RANBP17: variants seen among roughly 807,000 people sequenced by gnomAD.
RANBP17 encodes ran-binding protein 17.
A neutral mutation model predicts 141.2 loss-of-function variants in RANBP17; 158 were observed. The ratio of observed to expected loss-of-function variants is 1.12; its 90% CI spans 0.98 to 1.28. The LOEUF (loss-of-function observed/expected upper bound fraction) is 1.28, where lower values mean the gene tolerates loss of function less well. Among genes scored for constraint, RANBP17 ranks in the 50% most tolerant of loss-of-function variants. The pLI, the probability that RANBP17 is intolerant of heterozygous loss-of-function variation, is 0.00. For missense variants in RANBP17, 1,438 were observed against 1,290.7 expected (o/e 1.11, Z -1.75); for synonymous variants, 430 against 450.0 (o/e 0.96, Z 0.56).
intron 3 of RANBP17, among the ~76,000 whole-genome samples, chr5:170,886,876 T>C (rs990627798): frequency 7.2e-5 from 11 of 152,116 alleles, no homozygotes; most frequent in African/African-American, 2.7e-4. Context: ...TTGCTCAGGC[T>C]GGTCTTGAAC....
chr5:170,911,862 A>G (rs1346555238), intron 7 of RANBP17, among the ~76,000 whole-genome samples: 2 of 151,848 alleles, frequency 1.3e-5, no homozygotes, highest in African/African-American at 2.4e-5. Flanking sequence ...GTGGCACCTA[A>G]GGTACCTCTG....
chr5:171,126,032 C>T (rs1033847179), intron 14 of RANBP17, among the ~76,000 whole-genome samples: 43 of 152,268 alleles, frequency 2.8e-4, no homozygotes, highest in Non-Finnish European at 2.2e-4. Flanking sequence ...GTGATCCGCC[C>T]GCCTTGGCCT....
intron 16 of RANBP17, among the ~76,000 whole-genome samples, chr5:171,179,693 A>G (rs1290117254): frequency 1.3e-5 from 2 of 152,182 alleles, no homozygotes. Context: ...ACTTTTGTAA[A>G]TAGGATATAT....
At chr5:171,280,707 T>C (rs1389758405) in intron 25 of RANBP17, among the ~76,000 whole-genome samples, 1 of 152,242 alleles carries the variant, frequency 6.6e-6, no homozygotes, top group Non-Finnish European at 1.5e-5. Flanking sequence ...GGTTCCCTCA[T>C]CCTCTGGCCT....
chr5:170,981,017 G>T (rs956901052), intron 14 of RANBP17, among the ~76,000 whole-genome samples: 1 of 152,232 alleles, frequency 6.6e-6, no homozygotes, highest in Non-Finnish European at 1.5e-5. Context: ...TGACCTGGAT[G>T]TGAGACATGG....
intron 12 of RANBP17, among the ~76,000 whole-genome samples, chr5:170,929,454 A>G (rs1404352116): frequency 2.0e-5 from 3 of 152,138 alleles, no homozygotes; most frequent in Non-Finnish European, 4.4e-5. Flanking sequence ...GGGTTTTAAA[A>G]TAGACCTTTT....
chr5:171,081,986 C>A (rs1413778744), intron 14 of RANBP17, among the ~76,000 whole-genome samples: 1 of 152,040 alleles, frequency 6.6e-6, no homozygotes, highest in Admixed American at 6.6e-5. Context: ...AATTGTGTAA[C>A]TTTTTAGGCT....
intron 24 of RANBP17, among the ~76,000 whole-genome samples, chr5:171,244,124 G>C (rs1433939833): frequency 6.6e-6 from 1 of 151,790 alleles, no homozygotes; most frequent in Admixed American, 6.6e-5. Flanking sequence ...GGGCACGGTG[G>C]CTCATGCCTG....
chr5:170,945,840 C>G (rs1477930035), intron 12 of RANBP17, among the ~76,000 whole-genome samples: 1 of 152,090 alleles, frequency 6.6e-6, no homozygotes. Context: ...TGAAATGTCT[C>G]CTTGGTAATG....
At chr5:171,101,933 C>G (rs1787193636) in intron 14 of RANBP17, among the ~76,000 whole-genome samples, 1 of 152,236 alleles carries the variant, frequency 6.6e-6, no homozygotes, top group African/African-American at 2.4e-5. Flanking sequence ...CCACTCTCTT[C>G]TGGCTTGTAG....
chr5:171,250,178 G>A (rs1484475654), intron 24 of RANBP17, among the ~76,000 whole-genome samples: 2 of 152,206 alleles, frequency 1.3e-5, no homozygotes, highest in Non-Finnish European at 2.9e-5. Flanking sequence ...AAATGAAGGA[G>A]ATATAAAGTC....
At chr5:171,007,686 T>A (rs1779746459) in intron 14 of RANBP17, among the ~76,000 whole-genome samples, 2 of 152,226 alleles carry the variant, frequency 1.3e-5, no homozygotes, top group African/African-American at 4.8e-5. Flanking sequence ...ATTATCTAGG[T>A]CTCGTAGGAT....
chr5:170,917,648 A>G (rs898024873), intron 9 of RANBP17, among the ~76,000 whole-genome samples: 2 of 152,094 alleles, frequency 1.3e-5, no homozygotes, highest in Admixed American at 1.3e-4. Flanking sequence ...TATCTTTTCA[A>G]TGTTAGTATA....
Position 170,893,795 on chromosome 5 carries a change from A to G in RANBP17, c.423+1242A>G, listed in dbSNP as rs963707221. Among the ~76,000 whole-genome samples, 8 of 151,406 alleles carry G rather than the reference A, an allele frequency of 5.3e-5. 1 individual carries two copies. The East Asian group carries it at 1.4e-3, about 26-fold the overall frequency. ...GCAACAGAGCAAGACTCCGTCTCAA[A>G]AAAAAAAAAAAGAAAAATCCATGCT... On this transcript the variant is annotated intron_variant, in intron 4 of 27. Coordinates refer to ENST00000523189, the MANE Select transcript of RANBP17 (RefSeq NM_022897.5).
At chr5:171,094,960 A>C (rs377758393) in intron 14 of RANBP17, among the ~76,000 whole-genome samples, 8 of 152,250 alleles carry the variant, frequency 5.3e-5, no homozygotes, top group African/African-American at 1.9e-4. Flanking sequence ...ATTGGGTTGA[A>C]TAAAGTAAGT....
At position 171,292,781 on chromosome 5, in the gene RANBP17, G is replaced by A. The variant is rs144153462; in HGVS notation, c.2944-1102G>A. Among the ~76,000 whole-genome samples the A allele has an allele frequency of 3.1e-3, 467 of 152,230 alleles. 9 individuals carry two copies. The South Asian group carries it at 0.04, about 13-fold the overall frequency. On this transcript the variant is annotated intron_variant, in intron 25 of 27. Coordinates refer to ENST00000523189, the MANE Select transcript of RANBP17 (RefSeq NM_022897.5). ...GGACTATCGCAGCAGCCTCATCCCT[G>A]GTCTTTCTCCTTTAGTTTCACCTGC...
At chr5:171,122,328 C>G (rs1345764558) in intron 14 of RANBP17, among the ~76,000 whole-genome samples, 1 of 152,178 alleles carries the variant, frequency 6.6e-6, no homozygotes, top group African/African-American at 2.4e-5. Context: ...AGTCAGCTAT[C>G]TTGCTGACAT....
chr5:171,138,039 C>T (rs1757438153), intron 14 of RANBP17, among the ~76,000 whole-genome samples: 1 of 151,648 alleles, frequency 6.6e-6, no homozygotes, highest in African/African-American at 2.4e-5. Flanking sequence ...ATTCAAAAGT[C>T]AGTTATTTCT....
At chr5:171,257,833 C>T (rs1156418744) in intron 24 of RANBP17, among the ~76,000 whole-genome samples, 2 of 152,002 alleles carry the variant, frequency 1.3e-5, no homozygotes, top group Non-Finnish European at 2.9e-5. Context: ...AAGCCAGGCA[C>T]GGTGGCTCAC....
Sources: allele counts gnomAD v4.1 joint callset (sites outside exome capture counted in the v4.1 genomes callset), GRCh38; gene constraint gnomAD v4.1.1; transcripts MANE v1.5; gene names NCBI Gene and HGNC (gene_info 2026-07-23, HGNC 2026-07-21).